Variants in KCND3 observed in about 807,000 individuals in gnomAD.
KCND3 encodes A-type voltage-gated potassium channel KCND3.
KCND3 carries 9 observed loss-of-function variants against 51.1 expected under a neutral mutation model. That is an observed-to-expected ratio of 0.18 (90% CI 0.11 to 0.31). The LOEUF (loss-of-function observed/expected upper bound fraction) is 0.31, where lower values mean the gene tolerates loss of function less well. KCND3 is among the 10% of genes least tolerant of loss of function. The pLI, the probability that KCND3 is intolerant of heterozygous loss-of-function variation, is 1.00. For missense variants in KCND3, 526 were observed against 903.8 expected (o/e 0.58, Z 5.36); for synonymous variants, 349 against 368.0 (o/e 0.95, Z 0.59).
intron 2 of KCND3, among the ~76,000 whole-genome samples, chr1:111,830,623 T>C (rs1252524334): frequency 6.6e-6 from 1 of 152,218 alleles, no homozygotes; most frequent in Non-Finnish European, 1.5e-5. Flanking sequence ...TGGTTTTCTT[T>C]ATATACTACA....
At chr1:111,796,274 C>T (rs546335143) in intron 2 of KCND3, among the ~76,000 whole-genome samples, 10 of 152,180 alleles carry the variant, frequency 6.6e-5, no homozygotes, top group South Asian at 2.1e-4. Context: ...TTCCTATGTC[C>T]GGAGTGGTAT....
intron 2 of KCND3, among the ~76,000 whole-genome samples, chr1:111,805,544 A>G (rs1435491164): frequency 6.6e-6 from 1 of 152,248 alleles, no homozygotes. Context: ...ATGAAAATTA[A>G]TCTTAGAAAT....
At chr1:111,891,565 C>T (rs377690287) in intron 2 of KCND3, among the ~76,000 whole-genome samples, 11 of 152,216 alleles carry the variant, frequency 7.2e-5, no homozygotes, top group Middle Eastern at 6.8e-3. Context: ...TCAGGGAGAC[C>T]GGCACTTATT....
chr1:111,881,517 C>T (rs896004982), intron 2 of KCND3, among the ~76,000 whole-genome samples: 2 of 152,212 alleles, frequency 1.3e-5, no homozygotes, highest in Non-Finnish European at 2.9e-5. Context: ...TCTTTCCTAA[C>T]CCCTGTTGCT....
intron 2 of KCND3, among the ~76,000 whole-genome samples, chr1:111,980,957 C>T (rs1674917318): frequency 6.6e-6 from 1 of 152,168 alleles, no homozygotes; most frequent in Non-Finnish European, 1.5e-5. Context: ...GTCATTCAAT[C>T]ACTGACTCAG....
At chr1:111,967,854 C>T (rs1674093661) in intron 2 of KCND3, among the ~76,000 whole-genome samples, 1 of 152,168 alleles carries the variant, frequency 6.6e-6, no homozygotes, top group South Asian at 2.1e-4. Flanking sequence ...AAGTGACCTG[C>T]CCTAGGTCAC....
At chr1:111,868,257 G>A (rs1034679264) in intron 2 of KCND3, among the ~76,000 whole-genome samples, 12 of 152,162 alleles carry the variant, frequency 7.9e-5, no homozygotes, top group Admixed American at 5.2e-4. Context: ...CAACCTGCCC[G>A]GGATGAGAAC....
intron 2 of KCND3, among the ~76,000 whole-genome samples, chr1:111,948,481 C>T (rs1362464032): frequency 2.0e-5 from 3 of 152,204 alleles, no homozygotes; most frequent in Admixed American, 2.0e-4. Context: ...TTATCTCTTC[C>T]CTTCCCCACA....
chr1:111,987,667 C>T (rs1046405850), intron 1 of KCND3, among the ~76,000 whole-genome samples: 1 of 152,224 alleles, frequency 6.6e-6, no homozygotes, highest in Non-Finnish European at 1.5e-5. Flanking sequence ...GGAGCCAACA[C>T]CTTCCGGAGC....
In KCND3 at chr1:111,776,560, G is replaced by A. The variant is rs553696124; in HGVS notation, c.1767-282C>T. Among the ~76,000 whole-genome samples, 27 of 152,276 alleles carry A rather than the reference G, an allele frequency of 1.8e-4. No individual in the cohort carries two copies. In the Middle Eastern group the frequency reaches 0.01, roughly 58 times the overall value. ...GTGGCATTTGGCATTTGCATTCCCTGAATTCTCTGCAACGCATTTGGAGGT... is the reference window on the plus strand; with the variant it reads ...GTGGCATTTGGCATTTGCATTCCCTAAATTCTCTGCAACGCATTTGGAGGT... On this transcript the variant is annotated intron_variant, in intron 7 of 7. Coordinates refer to ENST00000302127, the MANE Select transcript of KCND3 (RefSeq NM_001378969.1).
intron 1 of KCND3, among the ~76,000 whole-genome samples, chr1:111,984,757 A>G (rs1675171660): frequency 6.6e-6 from 1 of 152,140 alleles, no homozygotes; most frequent in Non-Finnish European, 1.5e-5. Flanking sequence ...CTGTTCATGG[A>G]CAGACCCTGG....
At chr1:111,868,603 C>G (rs1668690121) in intron 2 of KCND3, among the ~76,000 whole-genome samples, 1 of 152,112 alleles carries the variant, frequency 6.6e-6, no homozygotes, top group East Asian at 1.9e-4. Context: ...ATAATAGCTA[C>G]CATTTATTAA....
intron 2 of KCND3, among the ~76,000 whole-genome samples, chr1:111,929,154 C>T (rs1367655038): frequency 6.6e-6 from 1 of 152,232 alleles, no homozygotes; most frequent in Admixed American, 6.5e-5. Flanking sequence ...GGTATTCTCA[C>T]ACCAACCAGC....
chr1:111,815,999 C>G (rs1325920227), intron 2 of KCND3, among the ~76,000 whole-genome samples: 2 of 152,176 alleles, frequency 1.3e-5, no homozygotes, highest in African/African-American at 4.8e-5. Context: ...CAGGGTGGGG[C>G]CAACCTGAGC....
intron 2 of KCND3, among the ~76,000 whole-genome samples, chr1:111,859,156 T>C (rs67276545): frequency 0.025 from 3,757 of 152,308 alleles, 91 homozygotes; most frequent in East Asian, 0.1. Flanking sequence ...AGATTGAAAC[T>C]CTCTAGCATG....
chr1:111,808,108 G>A (rs1218352792), intron 2 of KCND3, among the ~76,000 whole-genome samples: 1 of 152,180 alleles, frequency 6.6e-6, no homozygotes, highest in Non-Finnish European at 1.5e-5. Flanking sequence ...AGATTAGAAG[G>A]AATTATCCAG....
At position 111,918,578 on chromosome 1, in the gene KCND3, T is replaced by C. The variant is rs182708819; in HGVS notation, c.1106+63043A>G. 2.3e-4 allele frequency among the ~76,000 whole-genome samples: 35 copies of C among 152,222 alleles called. No individual in the cohort carries two copies. In the East Asian group the frequency reaches 2.3e-3, roughly 10 times the overall value. ...GAGTGCTGGGATGGTGGTAAGTCCA[T>C]GGTGCTTTGGGGGCACAGAGGATTT... is the stretch of plus-strand genomic sequence containing the variant. On this transcript the variant is annotated intron_variant, in intron 2 of 7. Coordinates refer to ENST00000302127, the MANE Select transcript of KCND3 (RefSeq NM_001378969.1).
At chr1:111,796,035 G>A (rs916004247) in intron 2 of KCND3, among the ~76,000 whole-genome samples, 6 of 152,022 alleles carry the variant, frequency 3.9e-5, no homozygotes, top group Non-Finnish European at 7.4e-5. Flanking sequence ...GGGGTTATTC[G>A]CTTTTTTGCT....
chr1:111,950,996 C>A (rs1469628203), intron 2 of KCND3, among the ~76,000 whole-genome samples: 1 of 151,784 alleles, frequency 6.6e-6, no homozygotes, highest in Non-Finnish European at 1.5e-5. Context: ...CATGGTGAAA[C>A]CCTGTCTCTA....
Sources: gnomAD v4.1 joint callset for allele counts (sites outside exome capture counted in the v4.1 genomes callset) on GRCh38, gnomAD v4.1.1 for gene constraint, MANE v1.5 for transcripts, NCBI Gene and HGNC (gene_info 2026-07-23, HGNC 2026-07-21) for gene names.